Variants in CHL1 observed in about 807,000 individuals in gnomAD.
CHL1 encodes the protein cell adhesion molecule L1 like.
Under a neutral mutation model 141.9 loss-of-function variants are expected in CHL1, and 96 were observed. The ratio of observed to expected loss-of-function variants is 0.68; its 90% confidence interval spans 0.57 to 0.80. The LOEUF is 0.80. CHL1 is among the 30% of genes least tolerant of loss of function. The pLI is 0.00. For synonymous variants in CHL1, 613 were observed against 502.2 expected, an observed-to-expected ratio of 1.22 and a Z score of -2.95; for missense variants, 1,820 against 1,457.2, an observed-to-expected ratio of 1.25 and a Z score of -4.05.
At chr3:339,580 G>T (rs956213560) in intron 5 of CHL1, among the ~76,000 whole-genome samples, 62 of 152,208 alleles carry the variant, frequency 4.1e-4, no homozygotes, top group Non-Finnish European at 5.6e-4. Flanking sequence ...TGCAAAGGCA[G>T]TGTAATAGCC....
intron 15 of CHL1, chr3:373,525 C>G (rs1348934123): frequency 1.3e-5 from 2 of 152,542 alleles, no homozygotes; most frequent in South Asian, 4.1e-4. Context: ...GTTGCCTCTC[C>G]CCCACCCAGG....
At chr3:215,199 G>A (rs1007149851) in intron 1 of CHL1, among the ~76,000 whole-genome samples, 34 of 152,262 alleles carry the variant, frequency 2.2e-4, no homozygotes, top group African/African-American at 7.7e-4. Context: ...AGAAAATGTG[G>A]TGTATATATA....
At chr3:362,218 C>T (rs1160213698) in intron 13 of CHL1, among the ~76,000 whole-genome samples, 2 of 152,180 alleles carry the variant, frequency 1.3e-5, no homozygotes, top group Non-Finnish European at 2.9e-5. Context: ...ACTTTTCCAG[C>T]ATTCATTTTG....
chr3:385,852 A>G (rs1293060458), intron 19 of CHL1: 2 of 145,716 alleles, frequency 1.4e-5, no homozygotes, highest in African/African-American at 2.5e-5. Context: ...AAAAGCATTT[A>G]AAATTGGTCT....
chr3:265,934 C>A (rs1695109777), intron 2 of CHL1, among the ~76,000 whole-genome samples: 2 of 152,146 alleles, frequency 1.3e-5, no homozygotes. Flanking sequence ...AACAAACCAT[C>A]CCATGCACAG....
In CHL1 at chr3:391,101, T is replaced by C. The variant is rs778222043; in HGVS notation, c.2733T>C (p.Tyr911=). The part of the protein sequence containing the change: ...FSEFHLTVLA[Y]NSKGAGPESE... ...AATTTCATTTAACAGTCTTAGCCTA[T>C]AACTCTAAAGGAGCTGGTCCTGAAA... Residue 911 remains tyrosine, a synonymous_variant, in exon 22 of 28, where the codon TAT becomes TAC. Coordinates refer to ENST00000256509, the MANE Select transcript of CHL1 (RefSeq NM_006614.4). The C allele has an allele frequency of 8.1e-6, 13 of 1,613,844 alleles. 1 individual carries two copies. In the African/African-American group the frequency reaches 1.1e-4, roughly 13 times the overall value.
intron 1 of CHL1, among the ~76,000 whole-genome samples, chr3:218,466 G>A (rs901031529): frequency 1.8e-4 from 28 of 152,268 alleles, no homozygotes; most frequent in Non-Finnish European, 3.4e-4. Flanking sequence ...CAGTAGAGAA[G>A]ATGTTACCCA....
chr3:331,206 C>A (rs1056603141), intron 5 of CHL1, among the ~76,000 whole-genome samples: 4 of 87,774 alleles, frequency 4.6e-5, no homozygotes, highest in Non-Finnish European at 1.1e-4. Context: ...TCCTTTCTGG[C>A]TTTTTTGTTT....
intron 1 of CHL1, among the ~76,000 whole-genome samples, chr3:220,247 G>A (rs1055813692): frequency 6.6e-6 from 1 of 152,130 alleles, no homozygotes; most frequent in African/African-American, 2.4e-5. Context: ...TCATTGAATT[G>A]TACCTTTACA....
intron 2 of CHL1, among the ~76,000 whole-genome samples, chr3:258,021 T>G (rs1320634551): frequency 6.6e-6 from 1 of 152,170 alleles, no homozygotes; most frequent in African/African-American, 2.4e-5. Flanking sequence ...TGTGTTTGCA[T>G]AACTGTGGGA....
intron 16 of CHL1, among the ~76,000 whole-genome samples, chr3:379,679 A>T (rs1009681914): frequency 6.6e-6 from 1 of 152,236 alleles, no homozygotes; most frequent in South Asian, 2.1e-4. Flanking sequence ...GGAACTATTA[A>T]TTTTTTTAAT....
intron 2 of CHL1, among the ~76,000 whole-genome samples, chr3:284,529 C>T (rs1323241669): frequency 1.3e-5 from 2 of 152,046 alleles, no homozygotes; most frequent in Admixed American, 1.3e-4. Context: ...AATGTAAAGG[C>T]GTTGTTTTAT....
chr3:385,783 A>T (rs182634279), intron 19 of CHL1: 93 of 144,620 alleles, frequency 6.4e-4, no homozygotes, highest in African/African-American at 2.2e-3. Flanking sequence ...AGTTGAGATC[A>T]TGCCACTACG....
chr3:346,556 G>A (rs929216314), intron 9 of CHL1, among the ~76,000 whole-genome samples: 1 of 152,138 alleles, frequency 6.6e-6, no homozygotes, highest in Non-Finnish European at 1.5e-5. Context: ...ATAATGAAAT[G>A]CTCTCATGTG....
At chr3:398,984 T>C in intron 25 of CHL1, 33 bp from the exon 26 acceptor site, 2 of 1,603,010 alleles carry the variant, frequency 1.2e-6, no homozygotes, top group South Asian at 1.1e-5. Flanking sequence ...CTGTTTCTAG[T>C]TTACAATGCT....
At chr3:206,244 G>A (rs1416345115) in intron 1 of CHL1, among the ~76,000 whole-genome samples, 1 of 152,144 alleles carries the variant, frequency 6.6e-6, no homozygotes, top group Non-Finnish European at 1.5e-5. Context: ...GAGACGGGTG[G>A]ATCACTTGAG....
chr3:276,725 T>C (rs1231839538), intron 2 of CHL1, among the ~76,000 whole-genome samples: 1 of 151,500 alleles, frequency 6.6e-6, no homozygotes, highest in Non-Finnish European at 1.5e-5. Flanking sequence ...CCTTCTCTAC[T>C]AAAAATACAA....
At chr3:220,260 T>G (rs184272560) in intron 1 of CHL1, among the ~76,000 whole-genome samples, 17 of 152,284 alleles carry the variant, frequency 1.1e-4, no homozygotes, top group African/African-American at 4.1e-4. Context: ...CCTTTACAAA[T>G]TTGGTTATTG....
chr3:382,858 G>C (rs1325459998), intron 18 of CHL1, 187 bp downstream of exon 18: 1 of 565,594 alleles, frequency 1.8e-6, no homozygotes, highest in East Asian at 2.8e-5. Context: ...ATACGAGTTC[G>C]ATAAAAGCAG....
Sources: gnomAD v4.1 joint callset for allele counts (sites outside exome capture counted in the v4.1 genomes callset) on GRCh38, gnomAD v4.1.1 for gene constraint, MANE v1.5 for transcripts, NCBI Gene and HGNC (gene_info 2026-07-23, HGNC 2026-07-21) for gene names.